KIAA1549L: variants seen among roughly 807,000 people sequenced by gnomAD.
KIAA1549L encodes KIAA1549 like.
A neutral mutation model predicts 160.7 loss-of-function variants in KIAA1549L; 88 were observed. That is an observed-to-expected ratio of 0.55 (90% confidence interval 0.46 to 0.65). The LOEUF (loss-of-function observed/expected upper bound fraction) is 0.65. Among genes scored for constraint, KIAA1549L ranks in the 30% least tolerant of loss-of-function variants. The probability of loss-of-function intolerance (pLI) is 0.00; values close to 1 mark genes in which losing one functional copy is unlikely to be tolerated. For missense variants in KIAA1549L, 2,258 were observed against 2,437.5 expected (o/e 0.93, Z 1.55); for synonymous variants, 950 against 976.7 (o/e 0.97, Z 0.51).
At position 33,453,291 on chromosome 11, in the gene KIAA1549L, T is replaced by G. The variant is rs144630655; in HGVS notation, c.238+76402T>G. On this transcript the variant is annotated intron_variant, in intron 1 of 20. Transcript: ENST00000658780. ...TCTAAATTTTTCCAGAGAGTTTTCA[T>G]TTTGGCTTCTTCCAGATCTTGGGAT... Among the ~76,000 whole-genome samples, 588 of 152,340 alleles carry G rather than the reference T, an allele frequency of 3.9e-3. 6 individuals are homozygous for G. The highest frequency in any genetic ancestry group is 0.013 in the African/African-American group (550 of 41,570).
intron 1 of KIAA1549L, among the ~76,000 whole-genome samples, chr11:33,435,849 TGTG>T (rs1391276955): frequency 0.019 from 2,114 of 108,452 alleles, 489 homozygotes; most frequent in African/African-American, 0.085. Flanking sequence ...TATATGTGTG[TGTG>T]TGTGTGTGTG....
chr11:33,521,991 T>C (rs962542135), intron 1 of KIAA1549L, among the ~76,000 whole-genome samples: 1 of 152,258 alleles, frequency 6.6e-6, no homozygotes, highest in Admixed American at 6.5e-5. Context: ...TATTCTTTTA[T>C]GTCAAATGAG....
In KIAA1549L at chr11:33,584,612, C is replaced by T. The variant is rs1855751666; in HGVS notation, c.4566+1111C>T. On this transcript the variant is annotated intron_variant, in intron 11 of 20. Coordinates refer to ENST00000658780, the MANE Select transcript of KIAA1549L (RefSeq NM_012194.3). The stretch of plus-strand genomic sequence containing the variant: ...ATGCCTTACAATTTGCTGGGCTCCT[C>T]GAGGACTATCACCTCGTTTGTTCAT... Among the ~76,000 whole-genome samples the T allele has an allele frequency of 3.3e-5, 5 of 152,226 alleles. 1 individual carries two copies. In the South Asian group the frequency reaches 6.2e-4, roughly 19 times the overall value.
intron 1 of KIAA1549L, among the ~76,000 whole-genome samples, chr11:33,493,750 G>T (rs1852751747): frequency 6.6e-6 from 1 of 152,226 alleles, no homozygotes. Context: ...TTCCGAAGTT[G>T]GGTAAGGCTG....
intron 1 of KIAA1549L, among the ~76,000 whole-genome samples, chr11:33,420,235 G>GTTTGTTTGTTTGTTTGTTTGTTTGTTTT (rs1554975227): frequency 2.2e-5 from 1 of 46,266 alleles, no homozygotes; most frequent in African/African-American, 5.7e-5. Flanking sequence ...TTTTTTTTTT[G>GTTTGTTTGTTTGTTTGTTTGTTTGTTTT]TTTTTTTTTT....
intron 1 of KIAA1549L, among the ~76,000 whole-genome samples, chr11:33,440,968 G>A (rs534069488): frequency 4.0e-5 from 6 of 151,646 alleles, no homozygotes; most frequent in African/African-American, 9.7e-5. Flanking sequence ...TGTGCACAAC[G>A]TGCAGGTTTG....
chr11:33,609,997 G>A (rs1253490792), intron 15 of KIAA1549L, 31 bp downstream of exon 15: 1 of 1,558,164 alleles, frequency 6.4e-7, no homozygotes, highest in African/African-American at 1.4e-5. Flanking sequence ...TGTAAAGGGT[G>A]CTGTATCATT....
chr11:33,386,327 TCTATTGA>T (rs1375227705), intron 1 of KIAA1549L, among the ~76,000 whole-genome samples: 4 of 152,226 alleles, frequency 2.6e-5, no homozygotes, highest in Non-Finnish European at 5.9e-5. Context: ...TTTCTCTTTG[TCTATTGA>T]GATGATCACA....
At chr11:33,489,698 A>C (rs375685462) in intron 1 of KIAA1549L, among the ~76,000 whole-genome samples, 173 of 152,256 alleles carry the variant, frequency 1.1e-3, no homozygotes, top group African/African-American at 4.1e-3. Flanking sequence ...TCACACAGGA[A>C]GTTTTGATGG....
chr11:33,632,151 C>T lies in KIAA1549L; in HGVS notation c.5409+13489C>T, dbSNP rs531920363. 1.1e-4 allele frequency among the ~76,000 whole-genome samples: 17 copies of T among 152,312 alleles called. No homozygotes were observed. The South Asian group carries it at 2.1e-3, about 19-fold the overall frequency. On this transcript the variant is annotated intron_variant, in intron 16 of 20. Coordinates refer to ENST00000658780, the MANE Select transcript of KIAA1549L (RefSeq NM_012194.3). ...AAACATGAACAGGGTGAATTGTTTACGGTAAATCCAGGCATGGTTTGGTTG... is the reference window on the plus strand; with the variant it reads ...AAACATGAACAGGGTGAATTGTTTATGGTAAATCCAGGCATGGTTTGGTTG...
At chr11:33,515,846 T>G (rs889459331) in intron 1 of KIAA1549L, among the ~76,000 whole-genome samples, 1 of 152,194 alleles carries the variant, frequency 6.6e-6, no homozygotes, top group Non-Finnish European at 1.5e-5. Context: ...AGAACACTAT[T>G]AGAGGGAATC....
In KIAA1549L at chr11:33,662,883, G is replaced by A. The variant is rs74466010; in HGVS notation, c.6159+1869G>A. 6.0e-3 allele frequency among the ~76,000 whole-genome samples: 907 copies of A among 152,274 alleles called. 4 individuals are homozygous for A. The highest frequency in any genetic ancestry group is 8.8e-3 in the Non-Finnish European group (596 of 68,016). ...ATGTAACCTTCCTGCCATGATGACTGTACTGGACCCTTCTGGGCTCATCTC... is the reference window on the plus strand; with the variant it reads ...ATGTAACCTTCCTGCCATGATGACTATACTGGACCCTTCTGGGCTCATCTC... On this transcript the variant is annotated intron_variant, in intron 20 of 20. Coordinates refer to ENST00000658780, the MANE Select transcript of KIAA1549L (RefSeq NM_012194.3).
intron 12 of KIAA1549L, among the ~76,000 whole-genome samples, chr11:33,596,276 TTTGAC>T (rs1049804827): frequency 1.3e-5 from 2 of 152,126 alleles, no homozygotes; most frequent in Admixed American, 1.3e-4. Flanking sequence ...GAACGGAAGT[TTTGAC>T]TTGATGACTC....
intron 1 of KIAA1549L, among the ~76,000 whole-genome samples, chr11:33,503,218 G>T (rs889703080): frequency 6.6e-6 from 1 of 152,142 alleles, no homozygotes; most frequent in African/African-American, 2.4e-5. Flanking sequence ...GGCTTCTCTT[G>T]TTCAGCATTA....
intron 1 of KIAA1549L, among the ~76,000 whole-genome samples, chr11:33,536,207 T>A (rs1483990756): frequency 6.6e-6 from 1 of 152,222 alleles, no homozygotes; most frequent in Non-Finnish European, 1.5e-5. Context: ...CCTGGCTCAG[T>A]GCTGTAATAC....
chr11:33,631,370 A>G lies in KIAA1549L; in HGVS notation c.5409+12708A>G, dbSNP rs193283810. On this transcript the variant is annotated intron_variant, in intron 16 of 20. Coordinates refer to ENST00000658780, the MANE Select transcript of KIAA1549L (RefSeq NM_012194.3). ...TTCTCATCTCCGGGTTTTTGCATGC[A>G]TGCATCACTCCGCCTGGAATCTCCC... 3.3e-5 allele frequency among the ~76,000 whole-genome samples: 5 copies of G among 152,206 alleles called. No individual in the cohort carries two copies. The South Asian group carries it at 6.2e-4, about 19-fold the overall frequency.
intron 1 of KIAA1549L, among the ~76,000 whole-genome samples, chr11:33,447,900 A>G (rs928893012): frequency 1.9e-4 from 29 of 152,098 alleles, no homozygotes; most frequent in African/African-American, 7.0e-4. Context: ...ATGCTGCGAG[A>G]ACTTGAGGAA....
chr11:33,406,679 C>G lies in KIAA1549L; in HGVS notation c.238+29790C>G, dbSNP rs75839600. Reference sequence around the variant, plus strand: ...CTGCACTCTTCTTTCTTAAGGCCCCCTAGCCCTCCGCTGCCTCAAAGGGAT... The same window carrying G: ...CTGCACTCTTCTTTCTTAAGGCCCCGTAGCCCTCCGCTGCCTCAAAGGGAT... On this transcript the variant is annotated intron_variant, in intron 1 of 20. Transcript: ENST00000658780. Among the ~76,000 whole-genome samples the G allele has an allele frequency of 4.7e-3, 720 of 152,342 alleles. 2 individuals are homozygous for G. The highest frequency in any genetic ancestry group is 7.9e-3 in the Non-Finnish European group (535 of 68,012).
intron 9 of KIAA1549L, among the ~76,000 whole-genome samples, chr11:33,568,606 C>G (rs1011174416): frequency 2.0e-5 from 3 of 152,212 alleles, no homozygotes; most frequent in Admixed American, 2.0e-4. Context: ...ACCCTCTCAC[C>G]TCCATTCCTC....
Sources: gnomAD v4.1 joint callset for allele counts (sites outside exome capture counted in the v4.1 genomes callset) on GRCh38, gnomAD v4.1.1 for gene constraint, MANE v1.5 for transcripts, NCBI Gene and HGNC (gene_info 2026-07-23, HGNC 2026-07-21) for gene names.